Variants in PTPRJ observed in about 807,000 individuals in gnomAD.
The protein encoded by PTPRJ is protein tyrosine phosphatase receptor type J, also known as receptor-type tyrosine-protein phosphatase eta.
PTPRJ carries 129 observed loss-of-function variants against 141.3 expected under a neutral mutation model. The ratio of observed to expected loss-of-function variants is 0.91; its 90% CI spans 0.79 to 1.06. PTPRJ has a LOEUF of 1.06. Ranked by LOEUF, PTPRJ falls within the 50% of genes least tolerant of loss-of-function variation. PTPRJ has a pLI of 0.00. For synonymous variants in PTPRJ, 610 were observed against 640.5 expected, an observed-to-expected ratio of 0.95 and a Z score of 0.72; for missense variants, 1,601 against 1,679.7, an observed-to-expected ratio of 0.95 and a Z score of 0.82.
rs867800486 is a variant in PTPRJ, at chr11:47,980,613, G to C, written c.-300G>C. Reference sequence around the variant, plus strand: ...CAGCGGGAGCAGCCGCGGGAGCCGGGACCGGGTAGCCGCGCGCTGGGGGTG... The same window carrying C: ...CAGCGGGAGCAGCCGCGGGAGCCGGCACCGGGTAGCCGCGCGCTGGGGGTG... On this transcript the variant is annotated 5_prime_UTR_variant, in exon 1 of 25. Coordinates refer to ENST00000418331, the MANE Select transcript of PTPRJ (RefSeq NM_002843.4). 1.3e-5 allele frequency: 13 copies of C among 983,482 alleles called. No individual in the cohort carries two copies. The East Asian group carries it at 4.5e-4, about 34-fold the overall frequency. The allele number at this position is 983,482 out of a possible 1,614,324, so 60.9% of individuals were successfully genotyped here. A position where few individuals can be genotyped will look rare whatever the true frequency, so the allele number is the denominator to read the frequency against.
chr11:48,124,881 C>A, intron 5 of PTPRJ, 87 bp from the exon 6 acceptor site: 1 of 1,246,076 alleles, frequency 8.0e-7, no homozygotes, highest in Non-Finnish European at 1.2e-6. Flanking sequence ...GTCTGATGGC[C>A]ATCTGATGGG....
chr11:48,032,654 G>A (rs538279462), intron 1 of PTPRJ, among the ~76,000 whole-genome samples: 2 of 152,342 alleles, frequency 1.3e-5, no homozygotes, highest in South Asian at 4.1e-4. Flanking sequence ...AGCTACTCGG[G>A]AGGCTGAAGC....
At chr11:48,121,974 C>A (rs1377650980) in intron 4 of PTPRJ, among the ~76,000 whole-genome samples, 1 of 151,976 alleles carries the variant, frequency 6.6e-6, no homozygotes, top group East Asian at 1.9e-4. Context: ...GCTCTTGGAG[C>A]CCACGGCTGG....
At chr11:48,057,461 G>C (rs1203486746) in intron 1 of PTPRJ, among the ~76,000 whole-genome samples, 1 of 152,128 alleles carries the variant, frequency 6.6e-6, no homozygotes, top group East Asian at 1.9e-4. Flanking sequence ...CTTAGTTGTG[G>C]GGCAGCATTA....
intron 1 of PTPRJ, among the ~76,000 whole-genome samples, chr11:48,044,523 T>G (rs1854343701): frequency 6.6e-6 from 1 of 152,244 alleles, no homozygotes; most frequent in South Asian, 2.1e-4. Context: ...ATAACTCATT[T>G]GCTTAACTTT....
intron 1 of PTPRJ, among the ~76,000 whole-genome samples, chr11:48,011,446 C>T (rs184252876): frequency 3.2e-4 from 49 of 152,128 alleles, no homozygotes; most frequent in Admixed American, 2.0e-3. Context: ...TCAGAGTGTC[C>T]CAAGTGTTTT....
intron 1 of PTPRJ, among the ~76,000 whole-genome samples, chr11:48,098,808 C>CAG (rs1856081577): frequency 1.3e-4 from 2 of 15,886 alleles, no homozygotes; most frequent in Non-Finnish European, 6.8e-4. Context: ...CGTGAGCCAC[C>CAG]GCGCCCGGCC....
At chr11:47,992,613 A>G (rs1166717617) in intron 1 of PTPRJ, among the ~76,000 whole-genome samples, 1 of 152,230 alleles carries the variant, frequency 6.6e-6, no homozygotes, top group African/African-American at 2.4e-5. Context: ...GTATTTATAT[A>G]TGGTTCCAAT....
intron 1 of PTPRJ, among the ~76,000 whole-genome samples, chr11:48,030,173 C>A (rs1853941300): frequency 6.6e-6 from 1 of 152,106 alleles, no homozygotes; most frequent in Non-Finnish European, 1.5e-5. Context: ...GAAGTGGGGG[C>A]AGGGTCATGT....
chr11:48,053,923 C>T (rs1854677196), intron 1 of PTPRJ, among the ~76,000 whole-genome samples: 1 of 122,794 alleles, frequency 8.1e-6, no homozygotes, highest in South Asian at 2.5e-4. Context: ...AATTCTGGCA[C>T]CTCGTTCTTT....
chr11:48,127,775 C>T lies in PTPRJ; in HGVS notation c.1094-5C>T, dbSNP rs780363730. 1.2e-6 allele frequency: 2 copies of T among 1,613,604 alleles called. No individual in the cohort carries two copies. The highest frequency in any genetic ancestry group is 3.3e-5 in the Admixed American group (2 of 60,014). On this transcript the variant is annotated splice_polypyrimidine_tract_variant and splice_region_variant and intron_variant, in intron 6 of 24. Coordinates refer to ENST00000418331, the MANE Select transcript of PTPRJ (RefSeq NM_002843.4). ...TTATTTTGAACTCCTCTTGTGTTCT[C>T]ACAGATGCTATTCAGGTTTTTGACG...
chr11:48,076,944 T>C (rs7117516), intron 1 of PTPRJ, among the ~76,000 whole-genome samples: 115,743 of 152,014 alleles, frequency 0.76, 46,067 homozygotes, highest in South Asian at 0.93. Context: ...CTCAGCTCAC[T>C]GCAACCTCCA....
At chr11:48,033,532 T>C (rs568546652) in intron 1 of PTPRJ, among the ~76,000 whole-genome samples, 1 of 152,292 alleles carries the variant, frequency 6.6e-6, no homozygotes, top group East Asian at 1.9e-4. Context: ...CCTGTTCATC[T>C]TGTTGACATC....
chr11:48,148,641 T>C (rs1264326325), intron 15 of PTPRJ, among the ~76,000 whole-genome samples: 1 of 152,092 alleles, frequency 6.6e-6, no homozygotes, highest in Non-Finnish European at 1.5e-5. Context: ...AGTTTTGCCA[T>C]GTTGGCTGGT....
Position 48,164,435 on chromosome 11 carries a change from A to T in PTPRJ, c.3775A>T (p.Ile1259Leu). The T allele has an allele frequency of 6.2e-7, 1 of 1,613,976 alleles. No individual in the cohort carries two copies. Among genetic ancestry groups the T allele is most frequent in the Non-Finnish European group, 8.5e-7 (1 of 1,179,924 alleles). ...FIAIDRLIYQ[I>L]ENENTVDVYG... The stretch of plus-strand genomic sequence containing the variant: ...TGCCATTGATCGTCTCATCTACCAG[A>T]TAGAGAATGAGAACACCGTGGATGT... The change falls in exon 24 of 25, where the codon ATA (isoleucine) becomes TTA (leucine). Residue 1259 changes from isoleucine to leucine, a missense_variant. Coordinates refer to ENST00000418331, the MANE Select transcript of PTPRJ (RefSeq NM_002843.4).
chr11:48,033,213 G>A (rs1019580847), intron 1 of PTPRJ, among the ~76,000 whole-genome samples: 2 of 152,120 alleles, frequency 1.3e-5, no homozygotes, highest in Admixed American at 6.5e-5. Flanking sequence ...GCAAAGGCCT[G>A]GAAGACTCAC....
chr11:48,126,696 C>T lies in PTPRJ; in HGVS notation c.1094-1084C>T, dbSNP rs575843204. ...TGATCTAATTACCTCCCAAAAGCCC[C>T]GCCTCCTAAAAGCATCACATCAGGG... On this transcript the variant is annotated intron_variant, in intron 6 of 24. Coordinates refer to ENST00000418331, the MANE Select transcript of PTPRJ (RefSeq NM_002843.4). Among the ~76,000 whole-genome samples the T allele has an allele frequency of 4.0e-5, 6 of 151,806 alleles. No homozygotes were observed. In the South Asian group the frequency reaches 6.2e-4, roughly 16 times the overall value.
At position 47,981,119 on chromosome 11, in the gene PTPRJ, T is replaced by TCCGGATCC. The variant is rs544983491; in HGVS notation, c.96+125_96+132dup. The stretch of plus-strand genomic sequence containing the variant: ...GGGGTTCCGGGGAAGGGGGCGGGGG[T>TCCGGATCC]CCGGATCCCCGGATCCCCGGAAGGC... On this transcript the variant is annotated intron_variant, in intron 1 of 24. Transcript: ENST00000418331. 8.5e-3 allele frequency: 9,088 copies of TCCGGATCC among 1,072,780 alleles called. 90 individuals carry two copies. The highest frequency in any genetic ancestry group is 0.016 in the Admixed American group (335 of 20,758). 66.5% of individuals were successfully genotyped at this position (1,072,780 alleles called of 1,614,324 possible).
intron 22 of PTPRJ, among the ~76,000 whole-genome samples, chr11:48,161,085 G>C (rs1421117096): frequency 1.3e-5 from 2 of 149,626 alleles, no homozygotes; most frequent in Non-Finnish European, 3.0e-5. Context: ...GGCTGAGGTA[G>C]GAGGATGGCT....
Sources: gnomAD v4.1 joint callset for allele counts (sites outside exome capture counted in the v4.1 genomes callset) on GRCh38, gnomAD v4.1.1 for gene constraint, MANE v1.5 for transcripts, NCBI Gene and HGNC (gene_info 2026-07-23, HGNC 2026-07-21) for gene names.